Variants in NEBL observed in about 807,000 individuals in gnomAD.
NEBL encodes LIM and SH3 protein 2.
In NEBL, 122 loss-of-function variants were observed where a neutral mutation model predicts 140.2. The ratio of observed to expected loss-of-function variants is 0.87; its 90% confidence interval spans 0.75 to 1.01. The LOEUF (loss-of-function observed/expected upper bound fraction) is 1.01. Ranked by LOEUF, NEBL falls within the 50% of genes least tolerant of loss-of-function variation. The pLI is 0.00. For synonymous variants in NEBL, 436 were observed against 398.9 expected (o/e 1.09, Z -1.11); for missense variants, 1,365 against 1,231.3 (o/e 1.11, Z -1.62).
At chr10:20,804,444 C>T (rs1837424017) in intron 26 of NEBL, 1 of 152,176 alleles carries the variant, frequency 6.6e-6, no homozygotes, top group Non-Finnish European at 1.5e-5. Context: ...ACATGACTAA[C>T]CCTACCATTA....
chr10:21,112,805 G>A (rs1838091559), intron 2 of NEBL: 2 of 204,854 alleles, frequency 9.8e-6, no homozygotes, highest in South Asian at 9.9e-5. Flanking sequence ...TTCCCTTGGG[G>A]GCTTTGAAAT....
At chr10:20,878,312 G>A (rs1443838214) in intron 5 of NEBL, among the ~76,000 whole-genome samples, 3 of 152,194 alleles carry the variant, frequency 2.0e-5, no homozygotes, top group Non-Finnish European at 4.4e-5. Flanking sequence ...AGGCAAAGAT[G>A]TTGACTTCCA....
intron 2 of NEBL, among the ~76,000 whole-genome samples, chr10:21,059,837 C>T (rs1024827452): frequency 6.6e-6 from 1 of 152,242 alleles, no homozygotes; most frequent in Admixed American, 6.5e-5. Flanking sequence ...CAATCTACAG[C>T]TCCAATTTAT....
At chr10:20,829,658 C>T (rs958385093) in intron 16 of NEBL, among the ~76,000 whole-genome samples, 8 of 152,010 alleles carry the variant, frequency 5.3e-5, no homozygotes, top group African/African-American at 1.4e-4. Context: ...ATTACACCCT[C>T]GTAAGTATCC....
chr10:21,075,577 T>G (rs1193937126), intron 2 of NEBL, among the ~76,000 whole-genome samples: 1 of 152,172 alleles, frequency 6.6e-6, no homozygotes, highest in Non-Finnish European at 1.5e-5. Flanking sequence ...AGAAGCACGA[T>G]GCAGTTGCCC....
chr10:21,155,137 T>C lies in NEBL; in HGVS notation c.164+17246A>G, dbSNP rs191337929. On this transcript the variant is annotated intron_variant, in intron 2 of 6. Coordinates refer to the NEBL transcript ENST00000417816. ...TTGCTTGAACCCAGGAGGCAGAGGT[T>C]GCAGTGAGCTGAGATCTCGCCACTG... Among the ~76,000 whole-genome samples the C allele has an allele frequency of 3.4e-4, 51 of 152,236 alleles. 1 individual carries two copies. The East Asian group carries it at 8.5e-3, about 25-fold the overall frequency.
chr10:20,849,846 A>T (rs1422995187), intron 11 of NEBL, among the ~76,000 whole-genome samples: 1 of 152,102 alleles, frequency 6.6e-6, no homozygotes, highest in Non-Finnish European at 1.5e-5. Flanking sequence ...ACAGAATTTC[A>T]TCTAAGACAA....
At chr10:20,911,728 T>C (rs1424985164) in intron 4 of NEBL, among the ~76,000 whole-genome samples, 5 of 152,192 alleles carry the variant, frequency 3.3e-5, no homozygotes, top group African/African-American at 1.2e-4. Context: ...ATCCTTAGTG[T>C]ATTCATGACT....
chr10:21,172,457 G>C (rs1291966253), exon 2 of NEBL: 1 of 1,604,034 alleles, frequency 6.2e-7, no homozygotes, highest in Admixed American at 1.7e-5. Flanking sequence ...CCTCACAATG[G>C]AAACATCCTT....
intron 1 of NEBL, among the ~76,000 whole-genome samples, chr10:21,268,063 A>G: frequency 6.6e-6 from 1 of 151,702 alleles, no homozygotes; most frequent in East Asian, 1.9e-4. Flanking sequence ...ATAAACCAAG[A>G]CTCCTAGGAT....
At chr10:20,940,098 A>G (rs188491149) in intron 4 of NEBL, among the ~76,000 whole-genome samples, 2,936 of 152,146 alleles carry the variant, frequency 0.019, 86 homozygotes, top group African/African-American at 0.066. Context: ...ATAGACATCT[A>G]CAGAACTCTC....
intron 4 of NEBL, 74 bp downstream of exon 4, chr10:20,888,023 T>C (rs1846678761): frequency 9.3e-7 from 1 of 1,072,394 alleles, no homozygotes; most frequent in Admixed American, 1.7e-5. Flanking sequence ...AACGTTTTAT[T>C]AAAACGCTAA....
chr10:21,028,458 G>A (rs545144880), intron 2 of NEBL, among the ~76,000 whole-genome samples: 47 of 151,918 alleles, frequency 3.1e-4, no homozygotes, highest in Non-Finnish European at 6.3e-4. Context: ...GTGCACACAC[G>A]CATGCACAGG....
intron 2 of NEBL, among the ~76,000 whole-genome samples, chr10:21,169,883 T>C (rs1840999243): frequency 2.0e-5 from 3 of 152,198 alleles, no homozygotes. Flanking sequence ...TATACAGGTA[T>C]GTTGAGAGTA....
chr10:21,049,343 G>A (rs1217719296), intron 2 of NEBL, among the ~76,000 whole-genome samples: 2 of 152,158 alleles, frequency 1.3e-5, no homozygotes, highest in Non-Finnish European at 1.5e-5. Flanking sequence ...AGGGTCTGGG[G>A]CCCGCTGCTT....
intron 4 of NEBL, among the ~76,000 whole-genome samples, chr10:20,912,992 C>T (rs772160546): frequency 4.6e-5 from 7 of 151,338 alleles, no homozygotes; most frequent in Non-Finnish European, 1.0e-4. Flanking sequence ...AAGCTCCTGG[C>T]CTCAAATGAT....
At position 21,025,093 on chromosome 10, in the gene NEBL, T is replaced by G. The variant is rs1681549112; in HGVS notation, c.165-4892A>C. Among the ~76,000 whole-genome samples the G allele has an allele frequency of 2.0e-5, 3 of 150,690 alleles. No homozygotes were observed. The South Asian group carries it at 6.3e-4, about 32-fold the overall frequency. ...ACTTTTTTCCTCCTCCATATTGGAG[T>G]AAGAATGTAGGAAGAAGACACAGGG... On this transcript the variant is annotated intron_variant, in intron 2 of 6. Transcript: ENST00000417816.
At chr10:20,970,640 C>A (rs1000804664) in intron 3 of NEBL, among the ~76,000 whole-genome samples, 3 of 151,576 alleles carry the variant, frequency 2.0e-5, no homozygotes, top group Non-Finnish European at 4.4e-5. Context: ...CAGAGCGAGA[C>A]CTCATCTTAA....
intron 5 of NEBL, among the ~76,000 whole-genome samples, chr10:20,876,656 G>A (rs1282156157): frequency 2.0e-5 from 3 of 152,084 alleles, no homozygotes; most frequent in Non-Finnish European, 4.4e-5. Context: ...CTACCAATAT[G>A]GTGTTTTGGA....
Sources: allele counts gnomAD v4.1 joint callset (sites outside exome capture counted in the v4.1 genomes callset), GRCh38; gene constraint gnomAD v4.1.1; transcripts MANE v1.5; gene names NCBI Gene and HGNC (gene_info 2026-07-23, HGNC 2026-07-21).